The following USP32 variants were observed in gnomAD, a reference collection of about 807,000 sequenced individuals.
The protein encoded by USP32 is ubiquitin specific peptidase 32.
A neutral mutation model predicts 204.8 loss-of-function variants in USP32; 59 were observed. That is an observed-to-expected ratio of 0.29 (90% CI 0.23 to 0.36). USP32 has a LOEUF of 0.36. Among genes scored for constraint, USP32 ranks in the 10% least tolerant of loss-of-function variants. USP32 has a pLI of 1.00. For synonymous variants in USP32, 517 were observed against 678.4 expected (o/e 0.76, Z 3.70); for missense variants, 1,160 against 1,946.4 (o/e 0.60, Z 7.60).
rs144582327 is a variant in USP32 at position 60,402,917 on chromosome 17, C to T, written c.106+19329G>A. On this transcript the variant is annotated intron_variant, in intron 1 of 3. Transcript: ENST00000588898. Reference sequence around the variant, plus strand: ...GTCATAAAAACAGCCCACTGTGCTTCCTCTTTCCTGACAACATTGTGGTTA... The same window carrying T: ...GTCATAAAAACAGCCCACTGTGCTTTCTCTTTCCTGACAACATTGTGGTTA... Among the ~76,000 whole-genome samples the T allele has an allele frequency of 3.5e-3, 536 of 152,236 alleles. 3 individuals carry two copies. Among genetic ancestry groups the T allele is most frequent in the African/African-American group, 0.012 (491 of 41,544 alleles).
rs2084012835 is a variant in USP32 at position 60,178,119 on chromosome 17, G to C, written c.*1136C>G. 1.3e-5 allele frequency among the ~76,000 whole-genome samples: 2 copies of C among 152,098 alleles called. No individual in the cohort carries two copies. The highest frequency in any genetic ancestry group is 6.6e-5 in the Admixed American group (1 of 15,260). ...TCAAAATAAAAAAATTAGTGGACAT[G>C]CAAACAAAGCAAAACTAAAGTTGAC... On this transcript the variant is annotated 3_prime_UTR_variant, in exon 34 of 34. Transcript: ENST00000300896.
chr17:60,297,275 T>A (rs937935401), intron 3 of USP32, among the ~76,000 whole-genome samples: 2 of 151,990 alleles, frequency 1.3e-5, no homozygotes, highest in Non-Finnish European at 2.9e-5. Context: ...GGTACGTGCC[T>A]CTAGTCCCAG....
At chr17:60,363,504 C>T (rs1346471265) in intron 1 of USP32, among the ~76,000 whole-genome samples, 1 of 144,574 alleles carries the variant, frequency 6.9e-6, no homozygotes, top group East Asian at 2.0e-4. Context: ...GGTGACAGAG[C>T]AAGACTCTGT....
intron 5 of USP32, among the ~76,000 whole-genome samples, chr17:60,276,302 C>G (rs956661791): frequency 6.6e-6 from 1 of 151,956 alleles, no homozygotes; most frequent in African/African-American, 2.4e-5. Flanking sequence ...CTTCAAATAT[C>G]CAGATAACTG....
chr17:60,214,267 ATAATCTTTGTAACATG>A (rs1358071298), intron 17 of USP32, among the ~76,000 whole-genome samples: 2 of 152,310 alleles, frequency 1.3e-5, no homozygotes, highest in East Asian at 3.9e-4. Context: ...AATGTAACAT[ATAATCTTTGTAACATG>A]TAATCTTTAT....
At chr17:60,288,327 C>A (rs1384351361) in intron 5 of USP32, among the ~76,000 whole-genome samples, 196 bp downstream of exon 5, 1 of 151,966 alleles carries the variant, frequency 6.6e-6, no homozygotes, top group Non-Finnish European at 1.5e-5. Context: ...GTAGTCCCAG[C>A]TGCTTGGGAG....
chr17:60,243,329 T>A (rs533910400), intron 11 of USP32, among the ~76,000 whole-genome samples: 1 of 152,366 alleles, frequency 6.6e-6, no homozygotes, highest in African/African-American at 2.4e-5. Flanking sequence ...TATTTTTCTT[T>A]ACAATCTTGA....
At chr17:60,400,759 G>A (rs1339474995) in intron 1 of USP32, among the ~76,000 whole-genome samples, 1 of 152,192 alleles carries the variant, frequency 6.6e-6, no homozygotes, top group African/African-American at 2.4e-5. Flanking sequence ...AGTGGCTCAT[G>A]CCTGTAATCC....
intron 11 of USP32, among the ~76,000 whole-genome samples, chr17:60,241,276 G>C (rs898061295): frequency 1.3e-5 from 2 of 152,102 alleles, no homozygotes; most frequent in African/African-American, 4.8e-5. Flanking sequence ...TGGGATTACA[G>C]GTGTGAGCCA....
At chr17:60,233,200 G>A (rs2085620895) in intron 12 of USP32, among the ~76,000 whole-genome samples, 1 of 152,142 alleles carries the variant, frequency 6.6e-6, no homozygotes, top group Admixed American at 6.6e-5. Context: ...ACAAGAGTCT[G>A]GGTGCCTGTA....
chr17:60,392,609 G>A (rs1194063236), upstream of USP32: 4 of 451,270 alleles, frequency 8.9e-6, no homozygotes, highest in Non-Finnish European at 1.3e-5. Context: ...GGGTTCTGAG[G>A]GATGCGGCAT....
intron 1 of USP32, among the ~76,000 whole-genome samples, chr17:60,390,008 C>A (rs1299301367): frequency 6.6e-6 from 1 of 151,854 alleles, no homozygotes; most frequent in Non-Finnish European, 1.5e-5. Context: ...CAGAGCAAGA[C>A]TCGTCTCAAA....
At chr17:60,419,830 ATT>A (rs2090093942) in intron 1 of USP32, among the ~76,000 whole-genome samples, 4 of 108,082 alleles carry the variant, frequency 3.7e-5, no homozygotes, top group Admixed American at 9.0e-5. Context: ...TATTATTATT[ATT>A]ATTATTATTA....
chr17:60,267,164 T>C (rs961040582), intron 7 of USP32, among the ~76,000 whole-genome samples: 2 of 151,398 alleles, frequency 1.3e-5, no homozygotes, highest in East Asian at 4.0e-4. Context: ...TCCCAGTACT[T>C]TGGGAGGCCG....
chr17:60,212,880 A>G (rs1465193564), intron 18 of USP32, among the ~76,000 whole-genome samples: 1 of 151,608 alleles, frequency 6.6e-6, no homozygotes, highest in Non-Finnish European at 1.5e-5. Context: ...CAGCTTCCTG[A>G]GTAGCTGGGA....
intron 1 of USP32, among the ~76,000 whole-genome samples, chr17:60,364,108 A>G (rs774592089): frequency 6.6e-6 from 1 of 152,156 alleles, no homozygotes; most frequent in Non-Finnish European, 1.5e-5. Context: ...GTACCAGCAG[A>G]TTCAGTGTCT....
intron 2 of USP32, among the ~76,000 whole-genome samples, chr17:60,328,576 G>T (rs186325842): frequency 2.0e-5 from 3 of 152,148 alleles, no homozygotes; most frequent in Admixed American, 1.3e-4. Flanking sequence ...CCACTAAATG[G>T]CAAGGCTAAA....
At position 60,266,097 on chromosome 17, in the gene USP32, G is replaced by A. The variant is rs1488005764; in HGVS notation, c.812-6C>T. On this transcript the variant is annotated splice_polypyrimidine_tract_variant and splice_region_variant and intron_variant, in intron 7 of 33. Coordinates refer to ENST00000300896, the MANE Select transcript of USP32 (RefSeq NM_032582.4). ...ATCAAATACCTTGAAGCAAACTAAT[G>A]AAAAGAAACTCTTATGGAGGAAAAT... 7 of 1,603,448 alleles carry A rather than the reference G, an allele frequency of 4.4e-6. No individual in the cohort carries two copies. The highest frequency in any genetic ancestry group is 6.0e-6 in the Non-Finnish European group (7 of 1,171,178).
At chr17:60,377,335 A>G (rs1211255043) in intron 1 of USP32, among the ~76,000 whole-genome samples, 5 of 152,252 alleles carry the variant, frequency 3.3e-5, no homozygotes, top group Non-Finnish European at 7.3e-5. Context: ...GTTTAAAAAT[A>G]TAGCATTTCA....
Sources: gnomAD v4.1 joint callset for allele counts (sites outside exome capture counted in the v4.1 genomes callset) on GRCh38, gnomAD v4.1.1 for gene constraint, MANE v1.5 for transcripts, NCBI Gene and HGNC (gene_info 2026-07-23, HGNC 2026-07-21) for gene names.